Variants in RASSF3 observed in about 807,000 individuals in gnomAD.
RASSF3 encodes the protein Ras association domain family member 3, also known as ras association domain-containing protein 3.
In RASSF3, 19 loss-of-function variants were observed where a neutral mutation model predicts 19.9. That is an observed-to-expected ratio of 0.96 (90% CI 0.67 to 1.40). The LOEUF is 1.40. Ranked by LOEUF, RASSF3 falls within the 40% of genes most tolerant of loss-of-function variation. The pLI is 0.00. For missense variants in RASSF3, 306 were observed against 289.8 expected, an observed-to-expected ratio of 1.06 and a Z score of -0.41; for synonymous variants, 110 against 104.2, an observed-to-expected ratio of 1.06 and a Z score of -0.34.
rs1868340888 is a variant in RASSF3 at position 64,695,408 on chromosome 12, A to C, written c.*496A>C. On this transcript the variant is annotated 3_prime_UTR_variant, in exon 5 of 5. Transcript: ENST00000542104. Reference sequence around the variant, plus strand: ...TGTGAATCGAAAGGCACAGGAATCTAGGAACTCTGAGGAATTTATTGTGAA... The same window carrying C: ...TGTGAATCGAAAGGCACAGGAATCTCGGAACTCTGAGGAATTTATTGTGAA... The C allele has an allele frequency of 6.6e-6, 1 of 152,532 alleles. No individual in the cohort carries two copies. The highest frequency in any genetic ancestry group is 1.5e-5 in the Non-Finnish European group (1 of 68,256). The allele number at this position is 152,532 out of a possible 1,614,324, so 9.4% of individuals were successfully genotyped here. A position where few individuals can be genotyped will look rare whatever the true frequency, so the allele number is the denominator to read the frequency against.
intron 1 of RASSF3, chr12:64,507,496 A>C: frequency 2.6e-6 from 1 of 389,052 alleles, no homozygotes. Flanking sequence ...AATTGAGAGA[A>C]AATAAAATTA....
rs1254598307 is a variant in RASSF3 at position 64,512,678 on chromosome 12, G to T, written c.169+5349G>T. ...ATACAAAAAAAATCAATAGTTATTAGTCCCTGAAATACACAAGCAAAGGAT... is the reference window on the plus strand; with the variant it reads ...ATACAAAAAAAATCAATAGTTATTATTCCCTGAAATACACAAGCAAAGGAT... On this transcript the variant is annotated intron_variant, in intron 1 of 5. Transcript: ENST00000637125. 2.0e-5 allele frequency among the ~76,000 whole-genome samples: 3 copies of T among 152,112 alleles called. No homozygotes were observed. The East Asian group carries it at 5.8e-4, about 29-fold the overall frequency.
At chr12:64,680,383 C>A (rs1407390719) in intron 1 of RASSF3, among the ~76,000 whole-genome samples, 2 of 151,916 alleles carry the variant, frequency 1.3e-5, no homozygotes, top group East Asian at 3.9e-4. Flanking sequence ...CTTCCCCACT[C>A]CACTTGTGCA....
intron 1 of RASSF3, among the ~76,000 whole-genome samples, chr12:64,651,159 T>C (rs1170614988): frequency 3.3e-5 from 5 of 152,186 alleles, no homozygotes; most frequent in African/African-American, 1.2e-4. Context: ...AAAATCAGTG[T>C]CTTAATGGGC....
intron 2 of RASSF3, among the ~76,000 whole-genome samples, chr12:64,558,751 C>A (rs1217613651): frequency 6.6e-6 from 1 of 152,124 alleles, no homozygotes; most frequent in Non-Finnish European, 1.5e-5. Context: ...GTATGGCAGG[C>A]TCCTTCTCCC....
intron 2 of RASSF3, among the ~76,000 whole-genome samples, chr12:64,548,727 A>G (rs895356901): frequency 2.0e-5 from 3 of 152,150 alleles, no homozygotes; most frequent in Admixed American, 6.5e-5. Context: ...CTCACTATAA[A>G]TTCATCCATA....
chr12:64,688,183 C>T lies in RASSF3; in HGVS notation c.220-33C>T. On this transcript the variant is annotated intron_variant, in intron 2 of 4. Transcript: ENST00000542104. ...TCTTCCCTAAAGTGCCACCATCCAC[C>T]CAGCTAAGTGTGTGCTTCTCTCCCT... 2 of 1,494,420 alleles carry T rather than the reference C, an allele frequency of 1.3e-6. 1 individual carries two copies. Among genetic ancestry groups the T allele is most frequent in the South Asian group, 2.3e-5 (2 of 88,618 alleles). 92.6% of individuals were successfully genotyped at this position (1,494,420 alleles called of 1,614,324 possible).
intron 1 of RASSF3, among the ~76,000 whole-genome samples, chr12:64,642,359 A>C (rs994059132): frequency 1.3e-5 from 2 of 151,912 alleles, no homozygotes; most frequent in Non-Finnish European, 2.9e-5. Context: ...CAGGAGTTCA[A>C]GACAAGCCTG....
downstream of RASSF3, among the ~76,000 whole-genome samples, chr12:64,543,583 AC>A (rs1868994146): frequency 1.3e-5 from 1 of 78,492 alleles, no homozygotes; most frequent in African/African-American, 4.9e-5. Flanking sequence ...GACAAGCCCC[AC>A]CCCCTGTTCC....
intron 1 of RASSF3, among the ~76,000 whole-genome samples, chr12:64,536,482 A>G (rs1346770620): frequency 1.3e-5 from 2 of 152,250 alleles, no homozygotes; most frequent in East Asian, 3.8e-4. Flanking sequence ...ACTGTTGACC[A>G]GCACACAGCT....
At chr12:64,604,766 T>C (rs1870157781) in intron 2 of RASSF3, among the ~76,000 whole-genome samples, 2 of 150,972 alleles carry the variant, frequency 1.3e-5, no homozygotes, top group Non-Finnish European at 2.9e-5. Flanking sequence ...GCCTCCCGAG[T>C]AGCTGGGACT....
rs774711658 is a variant in RASSF3, at chr12:64,508,500, AG to A, written c.169+1172del. Among the ~76,000 whole-genome samples the A allele has an allele frequency of 7.8e-4, 117 of 150,040 alleles. 1 individual carries two copies. The highest frequency in any genetic ancestry group is 3.4e-3 in the Middle Eastern group (1 of 290). ...CCACCGTACTCCAGCCTGGGCAACA[AG>A]AGCTAAACTTCGTCTCAAAAAAAAA... is the stretch of plus-strand genomic sequence containing the variant. On this transcript the variant is annotated intron_variant, in intron 1 of 5. Transcript: ENST00000637125.
intron 1 of RASSF3, among the ~76,000 whole-genome samples, chr12:64,629,404 G>A (rs903614417): frequency 1.3e-5 from 2 of 151,940 alleles, no homozygotes; most frequent in Admixed American, 6.6e-5. Context: ...CACTGCGCCC[G>A]TCCCACTGCT....
At chr12:64,661,610 A>G (rs1872361135) in intron 1 of RASSF3, among the ~76,000 whole-genome samples, 1 of 151,530 alleles carries the variant, frequency 6.6e-6, no homozygotes, top group Non-Finnish European at 1.5e-5. Context: ...TGGGAGGATC[A>G]TTTGAACCCA....
chr12:64,533,826 C>A (rs1300963537), intron 1 of RASSF3, among the ~76,000 whole-genome samples: 1 of 152,184 alleles, frequency 6.6e-6, no homozygotes, highest in East Asian at 1.9e-4. Context: ...GCTTGCAGTC[C>A]TGGAAGGAGA....
At chr12:64,555,200 C>T (rs1218581011) in intron 2 of RASSF3, among the ~76,000 whole-genome samples, 4 of 151,702 alleles carry the variant, frequency 2.6e-5, no homozygotes, top group Non-Finnish European at 4.4e-5. Flanking sequence ...GCCAAGATCG[C>T]ACCACTGCAC....
At chr12:64,685,603 G>A (rs1873318931) in intron 2 of RASSF3, among the ~76,000 whole-genome samples, 1 of 152,072 alleles carries the variant, frequency 6.6e-6, no homozygotes, top group Non-Finnish European at 1.5e-5. Context: ...CCATGGATTG[G>A]AATATAGAGG....
intron 1 of RASSF3, among the ~76,000 whole-genome samples, chr12:64,677,182 G>A (rs1399412812): frequency 6.6e-6 from 1 of 152,152 alleles, no homozygotes; most frequent in Non-Finnish European, 1.5e-5. Context: ...GTTTACTACA[G>A]TAATTAGATG....
intron 1 of RASSF3, among the ~76,000 whole-genome samples, chr12:64,659,951 C>CGTGTGTGTGT (rs200835780): frequency 2.7e-4 from 39 of 144,852 alleles, no homozygotes; most frequent in African/African-American, 8.7e-4. Context: ...TCATCTAATA[C>CGTGTGTGTGT]GTGTGTGTGT....
Sources: gnomAD v4.1 joint callset for allele counts (sites outside exome capture counted in the v4.1 genomes callset) on GRCh38, gnomAD v4.1.1 for gene constraint, MANE v1.5 for transcripts, NCBI Gene and HGNC (gene_info 2026-07-23, HGNC 2026-07-21) for gene names.